The following LUC7L3 variants were observed in gnomAD, a reference collection of about 807,000 sequenced individuals.
LUC7L3 encodes LUC7 like 3 pre-mRNA splicing factor.
In LUC7L3, 6 loss-of-function variants were observed where a neutral mutation model predicts 66.8. The ratio of observed to expected loss-of-function variants is 0.09; its 90% CI spans 0.05 to 0.18. LUC7L3 has a LOEUF of 0.18. LUC7L3 is among the 10% of genes least tolerant of loss of function. The pLI, the probability that LUC7L3 is intolerant of heterozygous loss-of-function variation, is 1.00. For missense variants in LUC7L3, 341 were observed against 531.1 expected, an observed-to-expected ratio of 0.64 and a Z score of 3.52; for synonymous variants, 160 against 174.7, an observed-to-expected ratio of 0.92 and a Z score of 0.66.
intron 1 of LUC7L3, among the ~76,000 whole-genome samples, chr17:50,726,690 T>G (rs1372132812): frequency 6.6e-6 from 1 of 152,214 alleles, no homozygotes; most frequent in African/African-American, 2.4e-5. Context: ...TATTGATAAA[T>G]ACAGCACTGT....
At chr17:50,723,878 G>A (rs117687704) in intron 1 of LUC7L3, 36,448 of 432,144 alleles carry the variant, frequency 0.084, 1,963 homozygotes, top group Non-Finnish European at 0.12. Context: ...CAAGTGATCG[G>A]TCCGCCTCAG....
chr17:50,742,658 C>T (rs1597928728), intron 5 of LUC7L3, among the ~76,000 whole-genome samples: 2 of 152,214 alleles, frequency 1.3e-5, no homozygotes, highest in East Asian at 3.9e-4. Context: ...TGTGCCTGGC[C>T]CTGGAGTCTC....
chr17:50,751,960 G>A lies in LUC7L3; in HGVS notation c.*1299G>A. The A allele has an allele frequency of 1.9e-6, 2 of 1,026,760 alleles. No individual in the cohort carries two copies. The highest frequency in any genetic ancestry group is 2.3e-6 in the Non-Finnish European group (2 of 854,380). The allele number at this position is 1,026,760 out of a possible 1,614,324, so 63.6% of individuals were successfully genotyped here. ...GTACCAATTAGTTGATTTGTTGGTG[G>A]CATTCCCCTTTTGGGAAAGCAATGT... is the stretch of plus-strand genomic sequence containing the variant. On this transcript the variant is annotated 3_prime_UTR_variant, in exon 10 of 10. Coordinates refer to ENST00000505658, the MANE Select transcript of LUC7L3 (RefSeq NM_016424.5).
intron 1 of LUC7L3, among the ~76,000 whole-genome samples, chr17:50,731,845 A>G (rs1010264036): frequency 6.6e-6 from 1 of 152,238 alleles, no homozygotes; most frequent in African/African-American, 2.4e-5. Context: ...TGGTTTACAC[A>G]GTGCCTAAAA....
At chr17:50,729,928 A>G (rs1445709655) in intron 1 of LUC7L3, among the ~76,000 whole-genome samples, 9 of 39,550 alleles carry the variant, frequency 2.3e-4, no homozygotes, top group East Asian at 7.2e-4. Flanking sequence ...ATATATATAT[A>G]TATATATATA....
chr17:50,747,703 C>T (rs1312330074), intron 9 of LUC7L3, among the ~76,000 whole-genome samples: 1 of 152,210 alleles, frequency 6.6e-6, no homozygotes, highest in Non-Finnish European at 1.5e-5. Context: ...CTAGAACTAG[C>T]AGCACAAACC....
intron 9 of LUC7L3, 118 bp from the exon 10 acceptor site, chr17:50,750,383 C>A: frequency 1.1e-6 from 1 of 930,696 alleles, no homozygotes. Flanking sequence ...CAAACCGTTG[C>A]TTGCAGTCTG....
In LUC7L3 at chr17:50,746,691, C is replaced by A; in HGVS notation, c.1127C>A (p.Ser376Tyr). 6.2e-7 allele frequency: 1 copy of A among 1,612,764 alleles called. No individual in the cohort carries two copies. Among genetic ancestry groups the A allele is most frequent in the Non-Finnish European group, 8.5e-7 (1 of 1,179,606 alleles). The change falls in exon 9 of 10, where the codon TCC becomes TAC. Residue 376 changes from serine to tyrosine, a missense_variant. Physicochemically the swap from Ser to Tyr is moderately radical, Grantham distance 144. Transcript: ENST00000505658. ...CGGGACAGAGAACAAGATAGAAAAT[C>A]CAAGGAGAAAGGTTAGTTTATATGA... ...KSRDREQDRK[S>Y]KEKEKRGSDD...
At chr17:50,724,134 T>C (rs1055468351) in intron 1 of LUC7L3, 5 of 301,054 alleles carry the variant, frequency 1.7e-5, no homozygotes, top group African/African-American at 2.3e-5. Flanking sequence ...GTCAATATTA[T>C]TTCCTCTGTA....
intron 2 of LUC7L3, among the ~76,000 whole-genome samples, chr17:50,738,863 C>T (rs2146742079): frequency 6.6e-6 from 1 of 152,164 alleles, no homozygotes; most frequent in Non-Finnish European, 1.5e-5. Context: ...AAGATCCATA[C>T]CTAGGCATAC....
At chr17:50,748,626 T>C (rs963618331) in intron 9 of LUC7L3, among the ~76,000 whole-genome samples, 3 of 151,988 alleles carry the variant, frequency 2.0e-5, no homozygotes, top group African/African-American at 7.2e-5. Context: ...GCCTGGCCCC[T>C]AGTAAAACTT....
chr17:50,728,615 C>T (rs1334217721), intron 1 of LUC7L3, among the ~76,000 whole-genome samples: 2 of 152,134 alleles, frequency 1.3e-5, no homozygotes, highest in African/African-American at 2.4e-5. Context: ...TGCAGTGGCG[C>T]GATCTCAGCT....
At chr17:50,724,687 G>A (rs957050687) in intron 1 of LUC7L3, among the ~76,000 whole-genome samples, 6 of 151,010 alleles carry the variant, frequency 4.0e-5, no homozygotes. Flanking sequence ...CACAAAAGGA[G>A]AAGGTAGCTT....
intron 2 of LUC7L3, 156 bp from the exon 3 acceptor site, chr17:50,740,150 T>G (rs897633301): frequency 1.7e-6 from 1 of 597,742 alleles, no homozygotes; most frequent in Admixed American, 3.4e-5. Context: ...GTTATGATGC[T>G]TCATGATTTA....
chr17:50,727,814 A>G (rs950407375), intron 1 of LUC7L3, among the ~76,000 whole-genome samples: 1 of 152,166 alleles, frequency 6.6e-6, no homozygotes, highest in African/African-American at 2.4e-5. Flanking sequence ...GGTTTTAAAT[A>G]GTTTTTATAG....
chr17:50,727,661 C>T (rs574723413), intron 1 of LUC7L3, among the ~76,000 whole-genome samples: 1 of 151,992 alleles, frequency 6.6e-6, no homozygotes, highest in Non-Finnish European at 1.5e-5. Flanking sequence ...CAGGAATTAG[C>T]CTGAGGGAGA....
intron 1 of LUC7L3, among the ~76,000 whole-genome samples, chr17:50,731,069 A>C (rs558118751): frequency 6.6e-6 from 1 of 152,350 alleles, no homozygotes; most frequent in Admixed American, 6.5e-5. Flanking sequence ...ATCTGTAATA[A>C]GCATTTATAT....
chr17:50,740,339 G>A lies in LUC7L3; in HGVS notation c.200G>A (p.Arg67Gln). Residue 67 changes from arginine (R) to glutamine (Q), a missense_variant, in exon 3 of 10, where the codon CGA becomes CAA. Transcript: ENST00000505658. ...PCEKIHDENL[R>Q]KQYEKSSRFM... is the part of the protein sequence containing the mutation. ...GAAAAAATTCATGATGAAAATCTAC[G>A]AAAACAGTAAGTTATTTTGCTTGTC... 9 of 1,605,102 alleles carry A rather than the reference G, an allele frequency of 5.6e-6. No individual in the cohort carries two copies. The highest frequency in any genetic ancestry group is 1.3e-5 in the African/African-American group (1 of 74,198).
chr17:50,727,052 G>A (rs574190488), intron 1 of LUC7L3, among the ~76,000 whole-genome samples: 3 of 151,964 alleles, frequency 2.0e-5, no homozygotes, highest in African/African-American at 7.3e-5. Flanking sequence ...TCATGCCACC[G>A]CACTCCAGCC....
Sources: allele counts gnomAD v4.1 joint callset (sites outside exome capture counted in the v4.1 genomes callset), GRCh38; gene constraint gnomAD v4.1.1; transcripts MANE v1.5; gene names NCBI Gene and HGNC (gene_info 2026-07-23, HGNC 2026-07-21).